SPATA12: variants seen among roughly 807,000 people sequenced by gnomAD.
SPATA12 encodes spermatogenesis associated 12.
For missense variants in SPATA12, 219 were observed against 226.4 expected, an observed-to-expected ratio of 0.97 and a Z score of 0.21; for synonymous variants, 85 against 89.2, an observed-to-expected ratio of 0.95 and a Z score of 0.26.
At chr3:57,061,249 A>G (rs898582373) in intron 1 of SPATA12, among the ~76,000 whole-genome samples, 1 of 152,104 alleles carries the variant, frequency 6.6e-6, no homozygotes, top group Non-Finnish European at 1.5e-5. Context: ...GTAGCATAAT[A>G]CTTTCATGGA....
At position 57,074,274 on chromosome 3, in the gene SPATA12, A is replaced by G. The variant is rs771380985; in HGVS notation, c.*7A>G. On this transcript the variant is annotated 3_prime_UTR_variant, in exon 2 of 2. Transcript: ENST00000334325. ...CATACACACACATCTGTAATCAATAATAATCCTGCAACATCTGAGAGTCTG... is the reference window on the plus strand; with the variant it reads ...CATACACACACATCTGTAATCAATAGTAATCCTGCAACATCTGAGAGTCTG... 6.2e-7 allele frequency: 1 copy of G among 1,601,956 alleles called. No homozygotes were observed. The highest frequency in any genetic ancestry group is 8.5e-7 in the Non-Finnish European group (1 of 1,171,418).
Position 57,075,069 on chromosome 3 carries a change from G to A in SPATA12, c.*802G>A, listed in dbSNP as rs1706147226. 6.0e-6 allele frequency: 1 copy of A among 167,050 alleles called. No individual in the cohort carries two copies. Among genetic ancestry groups the A allele is most frequent in the Admixed American group, 6.5e-5 (1 of 15,270 alleles). The allele number at this position is 167,050 out of a possible 1,614,324, so 10.3% of individuals were successfully genotyped here. ...CACTGGGGAGTTTGACCACAACATT[G>A]GGCTCCATATGCATGGAATGAGGTT... is the stretch of plus-strand genomic sequence containing the variant. On this transcript the variant is annotated 3_prime_UTR_variant, in exon 2 of 2. Transcript: ENST00000334325.
chr3:57,067,270 T>C (rs1705594417), intron 1 of SPATA12, among the ~76,000 whole-genome samples: 1 of 151,240 alleles, frequency 6.6e-6, no homozygotes, highest in African/African-American at 2.4e-5. Flanking sequence ...GCTAACACGG[T>C]GAAACCCTGT....
chr3:57,075,098 T>C lies in SPATA12; in HGVS notation c.*831T>C, dbSNP rs1322814758. On this transcript the variant is annotated 3_prime_UTR_variant, in exon 2 of 2. Coordinates refer to ENST00000334325, the MANE Select transcript of SPATA12 (RefSeq NM_181727.2). ...TCCATATGCATGGAATGAGGTTGCA[T>C]GCAATTGTCCATGAGGCTGCTCCCT... The C allele has an allele frequency of 1.2e-5, 2 of 167,116 alleles. No individual in the cohort carries two copies. Among genetic ancestry groups the C allele is most frequent in the African/African-American group, 2.4e-5 (1 of 41,440 alleles). The allele number at this position is 167,116 out of a possible 1,614,324, so 10.4% of individuals were successfully genotyped here.
At chr3:57,072,123 G>C (rs990294723) in intron 1 of SPATA12, among the ~76,000 whole-genome samples, 3 of 151,822 alleles carry the variant, frequency 2.0e-5, no homozygotes. Flanking sequence ...ATAATAACAA[G>C]AGTTGATGAA....
chr3:57,066,303 T>C (rs1705533818), intron 1 of SPATA12, among the ~76,000 whole-genome samples: 1 of 151,818 alleles, frequency 6.6e-6, no homozygotes, highest in Admixed American at 6.6e-5. Flanking sequence ...AGTCTGACTC[T>C]GTCACCCAGG....
intron 1 of SPATA12, among the ~76,000 whole-genome samples, chr3:57,067,917 G>T (rs961369634): frequency 2.0e-5 from 3 of 151,978 alleles, no homozygotes; most frequent in African/African-American, 7.3e-5. Context: ...GTGAACCTGG[G>T]AGGCAGAGCT....
Position 57,075,307 on chromosome 3 carries a change from T to C in SPATA12, c.*1040T>C, listed in dbSNP as rs886979078. On this transcript the variant is annotated 3_prime_UTR_variant, in exon 2 of 2. Coordinates refer to ENST00000334325, the MANE Select transcript of SPATA12 (RefSeq NM_181727.2). ...CTACTGTCCATCTCCACCACTGGGA[T>C]GTAAACTCCACAAGGGAGGAATGCT... 2 of 167,192 alleles carry C rather than the reference T, an allele frequency of 1.2e-5. No homozygotes were observed. Among genetic ancestry groups the C allele is most frequent in the African/African-American group, 4.8e-5 (2 of 41,454 alleles). 10.4% of individuals were successfully genotyped at this position (167,192 alleles called of 1,614,324 possible).
chr3:57,073,477 A>T lies in SPATA12; in HGVS notation c.-218A>T. ...AGTAGTGGAAACAGCAGAAGCAAAG[A>T]TGTGAACATGGGAAAACCTCTGCAG... On this transcript the variant is annotated 5_prime_UTR_variant, in exon 2 of 2. An upstream start codon of the reference 5' UTR is lost. Coordinates refer to ENST00000334325, the MANE Select transcript of SPATA12 (RefSeq NM_181727.2). The T allele has an allele frequency of 1.6e-6, 1 of 633,478 alleles. No homozygotes were observed. The highest frequency in any genetic ancestry group is 3.1e-5 in the South Asian group (1 of 31,984). The allele number at this position is 633,478 out of a possible 1,614,324, so 39.2% of individuals were successfully genotyped here.
chr3:57,074,262 C>G lies in SPATA12; in HGVS notation c.568C>G (p.Leu190Val), dbSNP rs778398888. ...CTCCAACACACACATACACACACATCTGTAATCAATAATAATCCTGCAACA... is the reference window on the plus strand; with the variant it reads ...CTCCAACACACACATACACACACATGTGTAATCAATAATAATCCTGCAACA... ...VYSNTHIHTH[L>V] Residue 190 changes from leucine to valine, a missense_variant, in exon 2 of 2, where the codon CTG becomes GTG. Physicochemically the swap from Leu to Val is conservative, Grantham distance 32. Coordinates refer to ENST00000334325, the MANE Select transcript of SPATA12 (RefSeq NM_181727.2). 7.5e-6 allele frequency: 12 copies of G among 1,607,166 alleles called. No homozygotes were observed. In the South Asian group the frequency reaches 9.9e-5, roughly 13 times the overall value.
At chr3:57,062,250 C>G (rs1411518200) in intron 1 of SPATA12, among the ~76,000 whole-genome samples, 1 of 152,234 alleles carries the variant, frequency 6.6e-6, no homozygotes, top group Non-Finnish European at 1.5e-5. Context: ...CCTCACTGCT[C>G]TAGCGCTGGG....
chr3:57,063,589 C>T (rs1395740920), intron 1 of SPATA12, among the ~76,000 whole-genome samples: 1 of 152,134 alleles, frequency 6.6e-6, no homozygotes, highest in Non-Finnish European at 1.5e-5. Context: ...GCCTGAGCAA[C>T]CAGGAGGTTG....
Position 57,073,685 on chromosome 3 carries a change from C to T in SPATA12, c.-10C>T. On this transcript the variant is annotated 5_prime_UTR_variant, in exon 2 of 2. Transcript: ENST00000334325. The stretch of plus-strand genomic sequence containing the variant: ...CTTTTCTGGAGAATTCTGTTTTTGA[C>T]TTGGGCCCCATGTCCAGTTCTGCTC... The T allele has an allele frequency of 6.2e-7, 1 of 1,602,156 alleles. No homozygotes were observed. Among genetic ancestry groups the T allele is most frequent in the South Asian group, 1.1e-5 (1 of 89,404 alleles).
intron 1 of SPATA12, among the ~76,000 whole-genome samples, chr3:57,066,040 C>CAA (rs59510971): frequency 7.1e-5 from 9 of 127,420 alleles, no homozygotes; most frequent in African/African-American, 1.7e-4. Context: ...GTCTCCAAAA[C>CAA]AAAAAAAAAA....
At chr3:57,062,000 AG>A (rs1705246181) in intron 1 of SPATA12, among the ~76,000 whole-genome samples, 1 of 152,064 alleles carries the variant, frequency 6.6e-6, no homozygotes, top group Non-Finnish European at 1.5e-5. Context: ...TGCCTTTGGG[AG>A]GGTTTCCACA....
intron 1 of SPATA12, among the ~76,000 whole-genome samples, chr3:57,069,547 C>T (rs992084759): frequency 5.3e-5 from 8 of 152,164 alleles, no homozygotes; most frequent in South Asian, 2.1e-4. Flanking sequence ...ATAGGCACTC[C>T]ATTTTTTATT....
intron 1 of SPATA12, among the ~76,000 whole-genome samples, chr3:57,072,330 G>A (rs1474432489): frequency 6.6e-6 from 1 of 152,016 alleles, no homozygotes; most frequent in Admixed American, 6.6e-5. Flanking sequence ...AGGAATGGAA[G>A]AGCCAGGGCA....
intron 1 of SPATA12, among the ~76,000 whole-genome samples, chr3:57,068,630 G>A (rs1306392594): frequency 1.3e-5 from 2 of 152,188 alleles, no homozygotes; most frequent in East Asian, 1.9e-4. Flanking sequence ...AAGCCATGCT[G>A]GAGAGAAACA....
intron 1 of SPATA12, among the ~76,000 whole-genome samples, chr3:57,065,333 C>T (rs148024498): frequency 7.3e-4 from 111 of 152,166 alleles, no homozygotes; most frequent in Admixed American, 2.7e-3. Flanking sequence ...TGATGGTGTG[C>T]ACCTGTAGTC....
Sources: allele counts gnomAD v4.1 joint callset (sites outside exome capture counted in the v4.1 genomes callset), GRCh38; gene constraint gnomAD v4.1.1; transcripts MANE v1.5; gene names NCBI Gene and HGNC (gene_info 2026-07-23, HGNC 2026-07-21).